RYR2: variants seen among roughly 807,000 people sequenced by gnomAD.
RYR2 encodes the protein ryanodine receptor 2.
In RYR2, 227 loss-of-function variants were observed where a neutral mutation model predicts 601.1. The ratio of observed to expected loss-of-function variants is 0.38; its 90% confidence interval spans 0.34 to 0.42. The LOEUF is 0.42. Ranked by LOEUF, RYR2 falls within the 10% of genes least tolerant of loss-of-function variation. The probability of loss-of-function intolerance (pLI) is 1.00; values close to 1 mark genes in which losing one functional copy is unlikely to be tolerated. For missense variants in RYR2, 4,646 were observed against 6,156.5 expected, an observed-to-expected ratio of 0.75 and a Z score of 8.21; for synonymous variants, 2,223 against 2,175.1, an observed-to-expected ratio of 1.02 and a Z score of -0.61.
chr1:237,559,063 C>T lies in RYR2; in HGVS notation c.3215-7504C>T, dbSNP rs1267041400. Among the ~76,000 whole-genome samples, 5 of 149,264 alleles carry T rather than the reference C, an allele frequency of 3.3e-5. No homozygotes were observed. The South Asian group carries it at 6.3e-4, about 19-fold the overall frequency. On this transcript the variant is annotated intron_variant, in intron 27 of 104. Transcript: ENST00000366574. ...AGGCTGGAGTGCAATGGCGTGATCTCGGCTCACTGCAACCTTCACCTCCCA... is the reference window on the plus strand; with the variant it reads ...AGGCTGGAGTGCAATGGCGTGATCTTGGCTCACTGCAACCTTCACCTCCCA...
At chr1:237,702,718 A>G (rs1325850916) in intron 66 of RYR2, among the ~76,000 whole-genome samples, 2 of 152,124 alleles carry the variant, frequency 1.3e-5, no homozygotes, top group Non-Finnish European at 2.9e-5. Flanking sequence ...ACTTCACAAA[A>G]TCATTCAAAA....
At chr1:237,381,812 C>T (rs185946525) in intron 8 of RYR2, among the ~76,000 whole-genome samples, 55 of 152,218 alleles carry the variant, frequency 3.6e-4, no homozygotes, top group Middle Eastern at 3.4e-3. Context: ...TGGTTGTAAA[C>T]GCCTCACCCA....
rs145150527 is a variant in RYR2 at position 237,097,794 on chromosome 1, G to A, written c.48+55225G>A. Among the ~76,000 whole-genome samples, 812 of 152,218 alleles carry A rather than the reference G, an allele frequency of 5.3e-3. 3 individuals carry two copies. Among genetic ancestry groups the A allele is most frequent in the African/African-American group, 0.015 (636 of 41,542 alleles). ...CAGTGATATTAGCTATTCCCAGTCC[G>A]TGTCACCCCCAGGGATGGAGTGGGC... On this transcript the variant is annotated intron_variant, in intron 1 of 104. Transcript: ENST00000366574.
chr1:237,530,646 C>A, intron 25 of RYR2, 136 bp downstream of exon 25: 1 of 698,924 alleles, frequency 1.4e-6, no homozygotes, highest in Non-Finnish European at 2.5e-6. Context: ...TGCGGTGGCT[C>A]ACACCTTAAT....
At chr1:237,628,104 C>G (rs1435688529) in intron 41 of RYR2, 24 bp downstream of exon 41, 2 of 1,606,470 alleles carry the variant, frequency 1.2e-6, no homozygotes, top group Non-Finnish European at 1.7e-6. Flanking sequence ...CTACTACAAC[C>G]CTTTGTCTCG....
intron 1 of RYR2, among the ~76,000 whole-genome samples, chr1:237,262,147 G>A (rs1203698405): frequency 6.8e-6 from 1 of 146,740 alleles, no homozygotes; most frequent in Non-Finnish European, 1.5e-5. Flanking sequence ...AACAGTGATT[G>A]TAGAAATCAT....
intron 29 of RYR2, among the ~76,000 whole-genome samples, chr1:237,588,871 A>C (rs1163875440): frequency 6.9e-6 from 1 of 145,566 alleles, no homozygotes; most frequent in Non-Finnish European, 1.5e-5. Flanking sequence ...ATCCCTGAAG[A>C]ATATCATCTC....
chr1:237,633,453 G>T, intron 42 of RYR2, 125 bp from the exon 43 acceptor site: 1 of 1,078,422 alleles, frequency 9.3e-7, no homozygotes, highest in Non-Finnish European at 1.4e-6. Flanking sequence ...AAGATCTTTG[G>T]TATCTGAAGT....
chr1:237,363,509 C>A (rs978646646), intron 4 of RYR2, among the ~76,000 whole-genome samples: 1 of 151,938 alleles, frequency 6.6e-6, no homozygotes, highest in African/African-American at 2.4e-5. Context: ...GTTTTTCTTA[C>A]AACTAGTGTC....
At chr1:237,061,313 A>G (rs1049771315) in intron 1 of RYR2, among the ~76,000 whole-genome samples, 6 of 148,932 alleles carry the variant, frequency 4.0e-5, no homozygotes, top group Admixed American at 6.9e-5. Context: ...CTATCTATCT[A>G]TCTATCTATC....
intron 1 of RYR2, among the ~76,000 whole-genome samples, chr1:237,227,626 C>G (rs866817609): frequency 4.6e-5 from 7 of 152,212 alleles, no homozygotes; most frequent in Non-Finnish European, 8.8e-5. Flanking sequence ...CCAGTTTCCT[C>G]TCAGCCCAAA....
chr1:237,683,692 T>TC (rs1300654318), intron 62 of RYR2, among the ~76,000 whole-genome samples: 1 of 152,050 alleles, frequency 6.6e-6, no homozygotes, highest in Non-Finnish European at 1.5e-5. Context: ...TCACAATTTT[T>TC]TTAACCTAAT....
At chr1:237,491,744 A>G in intron 17 of RYR2, 62 bp from the exon 18 acceptor site, 2 of 772,808 alleles carry the variant, frequency 2.6e-6, no homozygotes, top group Non-Finnish European at 4.4e-6. Context: ...AAAGGAAGAC[A>G]CTGGTCATTG....
chr1:237,326,934 C>G (rs1448389208), intron 2 of RYR2, among the ~76,000 whole-genome samples: 1 of 152,090 alleles, frequency 6.6e-6, no homozygotes, highest in African/African-American at 2.4e-5. Context: ...GAAGTGGGAA[C>G]AAAGGCCTGA....
intron 1 of RYR2, among the ~76,000 whole-genome samples, chr1:237,086,367 AT>A (rs1215183576): frequency 6.6e-6 from 1 of 152,060 alleles, no homozygotes; most frequent in Non-Finnish European, 1.5e-5. Context: ...TCATTTCCTC[AT>A]TTTAACTCAG....
At chr1:237,736,421 C>T (rs114227870) in intron 79 of RYR2, among the ~76,000 whole-genome samples, 1 of 147,648 alleles carries the variant, frequency 6.8e-6, no homozygotes, top group South Asian at 2.1e-4. Context: ...GTGATTGCAC[C>T]ACTGCACTCC....
intron 33 of RYR2, among the ~76,000 whole-genome samples, chr1:237,594,507 AT>A: frequency 6.6e-6 from 1 of 152,102 alleles, no homozygotes; most frequent in Non-Finnish European, 1.5e-5. Context: ...CTCCAGGAAT[AT>A]TTTTTGGGGG....
intron 1 of RYR2, among the ~76,000 whole-genome samples, chr1:237,069,643 G>A (rs555424496): frequency 1.3e-5 from 2 of 152,232 alleles, no homozygotes; most frequent in Non-Finnish European, 2.9e-5. Context: ...CCTTAGTGAA[G>A]TACTGAATTA....
intron 1 of RYR2, among the ~76,000 whole-genome samples, chr1:237,138,233 A>G (rs1027926050): frequency 8.6e-5 from 13 of 151,946 alleles, no homozygotes; most frequent in Admixed American, 6.6e-5. Flanking sequence ...AGGTTTTGCC[A>G]TGTTGCCCAG....
Sources: gnomAD v4.1 joint callset for allele counts (sites outside exome capture counted in the v4.1 genomes callset) on GRCh38, gnomAD v4.1.1 for gene constraint, MANE v1.5 for transcripts, NCBI Gene and HGNC (gene_info 2026-07-23, HGNC 2026-07-21) for gene names.